Variants in SLC41A2 observed in about 807,000 individuals in gnomAD.
SLC41A2 encodes solute carrier family 41 member 2.
SLC41A2 carries 32 observed loss-of-function variants against 58.3 expected under a neutral mutation model. That is an observed-to-expected ratio of 0.55 (90% CI 0.41 to 0.74). The LOEUF (loss-of-function observed/expected upper bound fraction) is 0.74, where lower values mean the gene tolerates loss of function less well. Ranked by LOEUF, SLC41A2 falls within the 30% of genes least tolerant of loss-of-function variation. The probability of loss-of-function intolerance (pLI) is 0.00; values close to 1 mark genes in which losing one functional copy is unlikely to be tolerated. For missense variants in SLC41A2, 514 were observed against 680.6 expected (o/e 0.76, Z 2.72); for synonymous variants, 190 against 235.0 (o/e 0.81, Z 1.75).
At chr12:104,918,536 A>G (rs2046434085) in intron 2 of SLC41A2, among the ~76,000 whole-genome samples, 1 of 151,924 alleles carries the variant, frequency 6.6e-6, no homozygotes, top group African/African-American at 2.4e-5. Flanking sequence ...AGTGAAGAGC[A>G]ACATTATAGA....
chr12:104,815,423 A>C (rs888891215), intron 10 of SLC41A2, among the ~76,000 whole-genome samples: 3 of 152,198 alleles, frequency 2.0e-5, no homozygotes, highest in Non-Finnish European at 4.4e-5. Context: ...GCATGTTCTA[A>C]ATATATTTCT....
At chr12:104,906,484 G>T (rs1433451158) in intron 3 of SLC41A2, among the ~76,000 whole-genome samples, 1 of 152,148 alleles carries the variant, frequency 6.6e-6, no homozygotes, top group Non-Finnish European at 1.5e-5. Context: ...AGACCAGGGG[G>T]TGGCTCAGTG....
intron 3 of SLC41A2, among the ~76,000 whole-genome samples, chr12:104,905,507 T>G (rs1391735202): frequency 6.6e-6 from 1 of 152,222 alleles, no homozygotes; most frequent in Non-Finnish European, 1.5e-5. Flanking sequence ...CTGCACCCTG[T>G]GCTCGCATTC....
chr12:104,941,518 T>A (rs997847778), intron 1 of SLC41A2, among the ~76,000 whole-genome samples: 2 of 152,220 alleles, frequency 1.3e-5, no homozygotes, highest in African/African-American at 4.8e-5. Context: ...TTAATATAAA[T>A]TTTTTAAAGG....
intron 6 of SLC41A2, among the ~76,000 whole-genome samples, chr12:104,868,878 C>T (rs145668296): frequency 1.2e-4 from 18 of 152,240 alleles, no homozygotes; most frequent in South Asian, 4.1e-4. Context: ...GTGAAAGATG[C>T]CAGACTCAAA....
At chr12:104,900,008 C>A (rs966110158) in intron 3 of SLC41A2, among the ~76,000 whole-genome samples, 12 of 152,062 alleles carry the variant, frequency 7.9e-5, no homozygotes, top group African/African-American at 2.9e-4. Context: ...GATTTTGGAT[C>A]TCCCCTTTTC....
In SLC41A2 at chr12:104,928,446, A is replaced by G. The variant is rs1195006587; in HGVS notation, c.82T>C (p.Leu28=). 6.4e-7 allele frequency: 1 copy of G among 1,551,580 alleles called. No individual in the cohort carries two copies. Among genetic ancestry groups the G allele is most frequent in the South Asian group, 1.2e-5 (1 of 84,014 alleles). The change falls in exon 2 of 11, where the codon TTA becomes CTA. Residue 28 remains leucine (L), a synonymous_variant. Coordinates refer to ENST00000258538, the MANE Select transcript of SLC41A2 (RefSeq NM_001352171.3). ...SSGGGFVDWT[L]RLNTIQSDKF... The stretch of plus-strand genomic sequence containing the variant: ...TCGGATTGAATTGTGTTTAAACGTA[A>G]AGTCCAATCTACAAAACCTCCTCCA...
intron 8 of SLC41A2, among the ~76,000 whole-genome samples, chr12:104,849,452 G>A (rs974216826): frequency 2.0e-5 from 3 of 152,212 alleles, no homozygotes; most frequent in African/African-American, 7.2e-5. Flanking sequence ...ATAACGACGT[G>A]CAGCAATGAG....
In SLC41A2 at chr12:104,809,588, G is replaced by C. The variant is rs78320025; in HGVS notation, c.1537-4251C>G. Among the ~76,000 whole-genome samples the C allele has an allele frequency of 8.4e-4, 128 of 152,258 alleles. No individual in the cohort carries two copies. The East Asian group carries it at 0.022, about 26-fold the overall frequency. ...AAGTTTTGCTAGGACAATGTGTTTT[G>C]GGTATGGAGGAAGCATGAAATATTA... is the stretch of plus-strand genomic sequence containing the variant. On this transcript the variant is annotated intron_variant, in intron 10 of 10. Transcript: ENST00000258538.
At chr12:104,901,134 G>A (rs969705129) in intron 3 of SLC41A2, among the ~76,000 whole-genome samples, 6 of 152,242 alleles carry the variant, frequency 3.9e-5, no homozygotes, top group Non-Finnish European at 8.8e-5. Flanking sequence ...TTTGCCTACA[G>A]TAGAAAAGGA....
intron 10 of SLC41A2, among the ~76,000 whole-genome samples, chr12:104,824,430 G>C (rs755777250): frequency 1.3e-5 from 2 of 152,188 alleles, no homozygotes; most frequent in Non-Finnish European, 2.9e-5. Flanking sequence ...GGAGAGCCCA[G>C]GCCTCCAAGC....
At chr12:104,944,887 G>C (rs2047652679) in intron 1 of SLC41A2, among the ~76,000 whole-genome samples, 1 of 147,394 alleles carries the variant, frequency 6.8e-6, no homozygotes, top group South Asian at 2.2e-4. Flanking sequence ...AAAAAAAAAG[G>C]TCAGGCATCA....
At chr12:104,852,439 C>G (rs1400892008) in intron 8 of SLC41A2, among the ~76,000 whole-genome samples, 1 of 152,160 alleles carries the variant, frequency 6.6e-6, no homozygotes, top group Non-Finnish European at 1.5e-5. Context: ...AAACAAAAAG[C>G]TACTGATGAT....
intron 6 of SLC41A2, among the ~76,000 whole-genome samples, chr12:104,880,121 G>A (rs1276400128): frequency 1.3e-5 from 2 of 152,160 alleles, no homozygotes; most frequent in Non-Finnish European, 2.9e-5. Context: ...CTGTTTGTCT[G>A]TTATTGGTGT....
chr12:104,949,431 A>T (rs1414835860), intron 1 of SLC41A2, among the ~76,000 whole-genome samples: 1 of 152,192 alleles, frequency 6.6e-6, no homozygotes, highest in Admixed American at 6.5e-5. Flanking sequence ...CATCCTTTAC[A>T]CAAAGATTTA....
chr12:104,909,881 A>G (rs566915153), intron 2 of SLC41A2, 119 bp from the exon 3 acceptor site: 5 of 627,124 alleles, frequency 8.0e-6, no homozygotes, highest in Non-Finnish European at 1.3e-5. Context: ...TTGAATAACC[A>G]CACAGTTCAT....
intron 2 of SLC41A2, 33 bp downstream of exon 2, chr12:104,927,940 A>C: frequency 6.6e-7 from 1 of 1,510,948 alleles, no homozygotes; most frequent in Non-Finnish European, 8.9e-7. Context: ...TAACAAAAAA[A>C]GACAGTAAAG....
In SLC41A2 at chr12:104,844,558, G is replaced by A; in HGVS notation, c.1450C>T (p.Leu484Phe). The A allele has an allele frequency of 1.3e-6, 2 of 1,571,842 alleles. No individual in the cohort carries two copies. Among genetic ancestry groups the A allele is most frequent in the Non-Finnish European group, 1.7e-6 (2 of 1,158,066 alleles). ...LLVIPGHLIF[L>F]YTIHLMKSGH... is the part of the protein sequence containing the mutation. ...CTTTTCATCAAATGAATAGTGTAGAGGAAAATTAAATGTCCAGGAATCACT... is the reference window on the plus strand; with the variant it reads ...CTTTTCATCAAATGAATAGTGTAGAAGAAAATTAAATGTCCAGGAATCACT... The change falls in exon 10 of 11, where the codon CTC becomes TTC. Residue 484 changes from leucine to phenylalanine, a missense_variant. Physicochemically the swap from Leu to Phe is conservative, Grantham distance 22 (BLOSUM62 0). Around this residue, in one of 3 missense-constraint regions of SLC41A2, gnomAD observed 128 missense variants for 146.0 expected, o/e 0.88. Transcript: ENST00000258538.
intron 2 of SLC41A2, among the ~76,000 whole-genome samples, chr12:104,920,523 A>C (rs75833335): frequency 0.014 from 2,104 of 152,154 alleles, 61 homozygotes; most frequent in African/African-American, 0.048. Context: ...ATCAAGCAGA[A>C]GAAAGAGTCG....
Sources: allele counts gnomAD v4.1 joint callset (sites outside exome capture counted in the v4.1 genomes callset), GRCh38; gene constraint gnomAD v4.1.1; regional missense constraint gnomAD v4.1.1; transcripts MANE v1.5; gene names NCBI Gene and HGNC (gene_info 2026-07-23, HGNC 2026-07-21).